NEGR1: variants seen among roughly 807,000 people sequenced by gnomAD.
NEGR1 encodes neuronal growth regulator 1.
NEGR1 carries 10 observed loss-of-function variants against 40.9 expected under a neutral mutation model. The observed-to-expected ratio is 0.24, with a 90% confidence interval of 0.15 to 0.42. NEGR1 has a LOEUF of 0.42. Ranked by LOEUF, NEGR1 falls within the 10% of genes least tolerant of loss-of-function variation. The pLI, the probability that NEGR1 is intolerant of heterozygous loss-of-function variation, is 1.00. For missense variants in NEGR1, 352 were observed against 438.9 expected (o/e 0.80, Z 1.77); for synonymous variants, 185 against 166.8 (o/e 1.11, Z -0.84).
chr1:72,040,829 C>A (rs1348339908), intron 1 of NEGR1, among the ~76,000 whole-genome samples: 1 of 151,826 alleles, frequency 6.6e-6, no homozygotes, highest in African/African-American at 2.4e-5. Context: ...AAAATTAAAT[C>A]CAATTCAAAT....
At chr1:72,135,390 CA>C (rs1650418478) in intron 1 of NEGR1, among the ~76,000 whole-genome samples, 2 of 38,264 alleles carry the variant, frequency 5.2e-5, no homozygotes, top group Admixed American at 3.0e-4. Context: ...AAAAAAAAAA[CA>C]AAAAACAAAA....
In NEGR1 at chr1:72,107,921, AC is replaced by A. The variant is rs375475460; in HGVS notation, c.177-172611del. ...CACTTTTCTTCAAAGCTAAAAAAAA[AC>A]ATTTGGCTAAGCCTTTATTCTATTC... On this transcript the variant is annotated intron_variant, in intron 1 of 6. Coordinates refer to ENST00000357731, the MANE Select transcript of NEGR1 (RefSeq NM_173808.3). Among the ~76,000 whole-genome samples, 951 of 151,654 alleles carry A rather than the reference AC, an allele frequency of 6.3e-3. 11 individuals are homozygous for A. The highest frequency in any genetic ancestry group is 0.022 in the African/African-American group (903 of 41,504).
In NEGR1 at chr1:71,406,012, C is replaced by T. The variant is rs1320780463; in HGVS notation, c.*1434G>A. The T allele has an allele frequency of 6.6e-6, 1 of 152,200 alleles. No individual in the cohort carries two copies. Among genetic ancestry groups the T allele is most frequent in the Non-Finnish European group, 1.5e-5 (1 of 67,828 alleles). 9.4% of individuals were successfully genotyped at this position (152,200 alleles called of 1,614,324 possible). On this transcript the variant is annotated 3_prime_UTR_variant, in exon 7 of 7. Coordinates refer to ENST00000357731, the MANE Select transcript of NEGR1 (RefSeq NM_173808.3). ...CTTCTTTATAGTAGAAATAATTTAA[C>T]ATTCACAATAATTTGATAATTACTT...
intron 1 of NEGR1, among the ~76,000 whole-genome samples, chr1:72,019,107 A>T (rs1359652953): frequency 6.6e-6 from 1 of 152,094 alleles, no homozygotes; most frequent in Non-Finnish European, 1.5e-5. Flanking sequence ...ACAAGGGGAG[A>T]AGTCAAGGAT....
chr1:71,545,095 A>G (rs544958507), intron 6 of NEGR1, among the ~76,000 whole-genome samples: 31 of 151,786 alleles, frequency 2.0e-4, no homozygotes, highest in African/African-American at 7.0e-4. Flanking sequence ...CTGAGAGATA[A>G]CAGCCTGCCC....
chr1:71,964,428 C>T (rs1016644527), intron 1 of NEGR1, among the ~76,000 whole-genome samples: 1 of 152,070 alleles, frequency 6.6e-6, no homozygotes, highest in South Asian at 2.1e-4. Context: ...AGTCAGTCGC[C>T]AAGGAGAGGC....
At chr1:71,778,117 T>C (rs1656573931) in intron 2 of NEGR1, among the ~76,000 whole-genome samples, 1 of 151,980 alleles carries the variant, frequency 6.6e-6, no homozygotes, top group African/African-American at 2.4e-5. Flanking sequence ...TTTTAGATAT[T>C]TAGTTGTAGG....
intron 1 of NEGR1, chr1:72,275,267 T>C (rs1570213313): frequency 3.7e-6 from 2 of 541,426 alleles, no homozygotes; most frequent in Middle Eastern, 5.1e-4. Flanking sequence ...ACCACATTTT[T>C]TTCTGTAATA....
rs376581650 is a variant in NEGR1, at chr1:71,776,221, G to A, written c.486C>T (p.Ala162=). The part of the protein sequence containing the change: ...EGTNVTLTCL[A]TGKPEPSISW... ...AAATGGAAGGCTCTGGTTTCCCAGT[G>A]GCCAAACAAGTAAGAGTGACGTTGG... Residue 162 remains alanine (A), a synonymous_variant, in exon 3 of 7, where the codon GCC becomes GCT. Transcript: ENST00000357731. The A allele has an allele frequency of 2.2e-4, 355 of 1,608,842 alleles. 1 individual carries two copies. The South Asian group carries it at 3.6e-3, about 16-fold the overall frequency.
At chr1:72,234,073 C>T (rs529031623) in intron 1 of NEGR1, among the ~76,000 whole-genome samples, 12 of 152,098 alleles carry the variant, frequency 7.9e-5, no homozygotes, top group South Asian at 2.1e-4. Context: ...ACAAAGTATT[C>T]GCTTACCCAG....
intron 6 of NEGR1, among the ~76,000 whole-genome samples, chr1:71,455,902 A>G (rs1385444193): frequency 2.0e-5 from 3 of 152,204 alleles, no homozygotes; most frequent in African/African-American, 4.8e-5. Context: ...TTCAGTTTAC[A>G]GTGTATGTTT....
At chr1:71,728,614 G>A (rs781690280) in intron 3 of NEGR1, among the ~76,000 whole-genome samples, 7 of 151,910 alleles carry the variant, frequency 4.6e-5, no homozygotes, top group South Asian at 2.1e-4. Context: ...TTTGATTTTC[G>A]AGTAGGAACT....
chr1:71,551,630 C>G (rs1444881442), intron 6 of NEGR1, among the ~76,000 whole-genome samples: 1 of 151,472 alleles, frequency 6.6e-6, no homozygotes, highest in Non-Finnish European at 1.5e-5. Flanking sequence ...TTTCCCTTTC[C>G]CACCCGTGGT....
chr1:71,444,530 A>G (rs1034605171), intron 6 of NEGR1, among the ~76,000 whole-genome samples: 86 of 152,236 alleles, frequency 5.6e-4, no homozygotes, highest in Middle Eastern at 3.4e-3. Context: ...TAAGAAATCC[A>G]TTTAAAAATC....
At chr1:71,723,710 T>C (rs1280748239) in intron 3 of NEGR1, among the ~76,000 whole-genome samples, 1 of 152,076 alleles carries the variant, frequency 6.6e-6, no homozygotes, top group Non-Finnish European at 1.5e-5. Context: ...AAGTGCCTTC[T>C]TGAGTTCTGT....
chr1:71,869,389 C>T (rs879522506), intron 2 of NEGR1, among the ~76,000 whole-genome samples: 1 of 151,784 alleles, frequency 6.6e-6, no homozygotes, highest in African/African-American at 2.4e-5. Context: ...TGTGAAATAG[C>T]CAAAAATACT....
intron 1 of NEGR1, among the ~76,000 whole-genome samples, chr1:72,174,919 TTA>T (rs1359540125): frequency 3.3e-5 from 5 of 152,188 alleles, no homozygotes; most frequent in Admixed American, 3.3e-4. Context: ...TCTCTGAGAC[TTA>T]GTCATTTTAT....
At chr1:71,409,114 T>C (rs1170451993) in intron 6 of NEGR1, 1 of 151,964 alleles carries the variant, frequency 6.6e-6, no homozygotes, top group Non-Finnish European at 1.5e-5. Flanking sequence ...TTTTAAAAAA[T>C]AAAAAGACAA....
At chr1:71,532,311 T>C (rs1179046864) in intron 6 of NEGR1, among the ~76,000 whole-genome samples, 1 of 151,602 alleles carries the variant, frequency 6.6e-6, no homozygotes, top group Non-Finnish European at 1.5e-5. Context: ...TTTCAAAGTA[T>C]TTGTGGCTGA....
Sources: allele counts gnomAD v4.1 joint callset (sites outside exome capture counted in the v4.1 genomes callset), GRCh38; gene constraint gnomAD v4.1.1; transcripts MANE v1.5; gene names NCBI Gene and HGNC (gene_info 2026-07-23, HGNC 2026-07-21).